Variants in TAB2 observed in about 807,000 individuals in gnomAD.
The protein encoded by TAB2 is TGF-beta activated kinase 1 (MAP3K7) binding protein 2, also known as TGF-beta-activated kinase 1 and MAP3K7-binding protein 2.
In TAB2, 3 loss-of-function variants were observed where a neutral mutation model predicts 65.0. The observed-to-expected ratio is 0.05, with a 90% CI of 0.02 to 0.12. TAB2 has a LOEUF of 0.12. Among genes scored for constraint, TAB2 ranks in the 10% least tolerant of loss-of-function variants. The pLI, the probability that TAB2 is intolerant of heterozygous loss-of-function variation, is 1.00. For synonymous variants in TAB2, 298 were observed against 285.1 expected (o/e 1.05, Z -0.46); for missense variants, 623 against 840.3 (o/e 0.74, Z 3.20).
At chr6:149,308,203 A>T (rs496124) in intron 1 of TAB2, among the ~76,000 whole-genome samples, 59,660 of 151,962 alleles carry the variant, frequency 0.39, 12,825 homozygotes, top group African/African-American at 0.58. Context: ...CTTCAAATGT[A>T]CATCTAGTTA....
At chr6:149,388,237 G>C (rs1434383657) in intron 3 of TAB2, among the ~76,000 whole-genome samples, 3 of 152,132 alleles carry the variant, frequency 2.0e-5, no homozygotes, top group Non-Finnish European at 4.4e-5. Flanking sequence ...CTCCATCTCT[G>C]TGCTTCCATG....
intron 5 of TAB2, 126 bp downstream of exon 5, chr6:149,398,188 C>A: frequency 2.5e-6 from 2 of 804,830 alleles, no homozygotes; most frequent in Non-Finnish European, 4.1e-6. Flanking sequence ...TGGAGCCAGA[C>A]AGACTTTTAA....
chr6:149,400,547 A>T (rs778430270), intron 6 of TAB2: 1 of 1,614,220 alleles, frequency 6.2e-7, no homozygotes, highest in Non-Finnish European at 8.5e-7. Context: ...AACCACGGGG[A>T]TTGTCAGTGA....
intron 1 of TAB2, among the ~76,000 whole-genome samples, chr6:149,339,359 C>G (rs753216534): frequency 6.6e-6 from 1 of 150,456 alleles, no homozygotes; most frequent in Non-Finnish European, 1.5e-5. Context: ...CAGAGTGAGA[C>G]TCCGTTTCAA....
At position 149,280,118 on chromosome 6, in the gene TAB2, G is replaced by A. The variant is rs552263835; in HGVS notation, c.-121+61342G>A. Among the ~76,000 whole-genome samples the A allele has an allele frequency of 1.2e-4, 18 of 152,242 alleles. No individual in the cohort carries two copies. The South Asian group carries it at 3.7e-3, about 32-fold the overall frequency. ...AGTACCTGTAGTAATCAGAGTGCAG[G>A]CTCTGGAATCAGACAATCTGAGTTG... On this transcript the variant is annotated intron_variant, in intron 1 of 1. Transcript: ENST00000606202.
At chr6:149,316,442 A>T (rs1779253749), upstream of TAB2, among the ~76,000 whole-genome samples, 1 of 152,238 alleles carries the variant, frequency 6.6e-6, no homozygotes, top group Admixed American at 6.5e-5. Context: ...ACTGGAAATA[A>T]AAGTATAAAA....
At chr6:149,403,339 T>TAC (rs71010866) in intron 6 of TAB2, among the ~76,000 whole-genome samples, 1,642 of 105,736 alleles carry the variant, frequency 0.016, 16 homozygotes, top group South Asian at 0.02. Context: ...TACATATATA[T>TAC]ACACACACAC....
intron 1 of TAB2, among the ~76,000 whole-genome samples, chr6:149,250,462 C>T (rs1386970447): frequency 3.3e-5 from 5 of 152,228 alleles, no homozygotes; most frequent in South Asian, 4.1e-4. Flanking sequence ...TGTACCACTA[C>T]GCCCAGCTAA....
intron 1 of TAB2, among the ~76,000 whole-genome samples, chr6:149,261,065 T>C (rs2114667151): frequency 6.6e-6 from 1 of 152,322 alleles, no homozygotes; most frequent in East Asian, 1.9e-4. Flanking sequence ...AGGCCCTTTT[T>C]CATCCACTTT....
At chr6:149,288,481 T>C (rs1467276960) in intron 1 of TAB2, among the ~76,000 whole-genome samples, 1 of 152,174 alleles carries the variant, frequency 6.6e-6, no homozygotes, top group Admixed American at 6.5e-5. Flanking sequence ...ATGTGAATGA[T>C]AAGGGAGAGG....
upstream of TAB2, among the ~76,000 whole-genome samples, chr6:149,317,268 TC>T (rs1019566657): frequency 6.6e-6 from 1 of 151,444 alleles, no homozygotes. This position sits in a 1 kb window ranked among gnomAD's most constrained non-coding sequence, Gnocchi z 4.7. Context: ...GTCCCAGCCC[TC>T]CCCGGGCTGC....
At position 149,379,384 on chromosome 6, in the gene TAB2, T is replaced by G; in HGVS notation, c.1469T>G (p.Leu490Arg). 1 of 1,614,206 alleles carries G rather than the reference T, an allele frequency of 6.2e-7. No homozygotes were observed. Among genetic ancestry groups the G allele is most frequent in the Non-Finnish European group, 8.5e-7 (1 of 1,180,034 alleles). Residue 490 changes from leucine (L) to arginine (R), a missense_variant, in exon 3 of 7, where the codon CTT becomes CGT. Transcript: ENST00000637181. ...VVSPTFELTNLLNHPDHYVET... is the reference protein window; with the variant it reads ...VVSPTFELTNRLNHPDHYVET... Reference sequence around the variant, plus strand: ...TCCCCTACCTTTGAACTTACAAATCTTCTTAATCATCCTGATCATTATGTA... The same window carrying G: ...TCCCCTACCTTTGAACTTACAAATCGTCTTAATCATCCTGATCATTATGTA...
chr6:149,338,046 GA>G (rs1779987548), intron 1 of TAB2, among the ~76,000 whole-genome samples: 1 of 152,170 alleles, frequency 6.6e-6, no homozygotes, highest in South Asian at 2.1e-4. Flanking sequence ...TGCTTTATCT[GA>G]AACCCTGAGG....
At chr6:149,228,096 A>T (rs1022297047) in intron 1 of TAB2, among the ~76,000 whole-genome samples, 1 of 152,148 alleles carries the variant, frequency 6.6e-6, no homozygotes, top group African/African-American at 2.4e-5. Context: ...CATTAAGCCC[A>T]GCGCCAAGTC....
chr6:149,232,469 C>T (rs571396638), intron 1 of TAB2, among the ~76,000 whole-genome samples: 6 of 152,252 alleles, frequency 3.9e-5, no homozygotes, highest in South Asian at 2.1e-4. Context: ...TCAAGTGTTC[C>T]GCCTGCCTCG....
intron 1 of TAB2, among the ~76,000 whole-genome samples, chr6:149,263,745 C>A (rs1347194811): frequency 6.6e-6 from 1 of 152,228 alleles, no homozygotes; most frequent in East Asian, 1.9e-4. Context: ...CACACAATTT[C>A]CCTAAAAGGA....
intron 3 of TAB2, among the ~76,000 whole-genome samples, chr6:149,385,744 CT>C (rs1781770464): frequency 6.6e-6 from 1 of 152,104 alleles, no homozygotes; most frequent in South Asian, 2.1e-4. Context: ...ACTTTAAATT[CT>C]TATGAGACAC....
At chr6:149,300,073 T>C (rs985187423) in intron 1 of TAB2, among the ~76,000 whole-genome samples, 1 of 152,196 alleles carries the variant, frequency 6.6e-6, no homozygotes, top group African/African-American at 2.4e-5. Context: ...ATACCTTTTT[T>C]CTTCCTATTT....
In TAB2 at chr6:149,403,250, ATATATATATAT is replaced by A. The variant is rs1562456194; in HGVS notation, c.1939+4067_1939+4077del. Among the ~76,000 whole-genome samples the A allele has an allele frequency of 6.4e-4, 10 of 15,514 alleles. 2 individuals are homozygous for A. The highest frequency in any genetic ancestry group is 3.9e-3 in the African/African-American group (8 of 2,060). The allele number at this position is 15,514 out of a possible 152,430, so 10.2% of individuals were successfully genotyped here. ...ACTCTTGTCTAAAAAAAAAAAAAAT[ATATATATATAT>A]ATATATATATATATATATATATACA... On this transcript the variant is annotated intron_variant, in intron 6 of 6. Coordinates refer to ENST00000637181, the MANE Select transcript of TAB2 (RefSeq NM_001292034.3).
Sources: gnomAD v4.1 joint callset for allele counts (sites outside exome capture counted in the v4.1 genomes callset) on GRCh38, gnomAD v4.1.1 for gene constraint, Gnocchi (gnomAD v3.1) non-coding constraint, MANE v1.5 for transcripts, NCBI Gene and HGNC (gene_info 2026-07-23, HGNC 2026-07-21) for gene names.